CYP2J2: variants seen among roughly 807,000 people sequenced by gnomAD.
CYP2J2 encodes the protein cytochrome P450 2J2.
CYP2J2 carries 41 observed loss-of-function variants against 48.8 expected under a neutral mutation model. The ratio of observed to expected loss-of-function variants is 0.84; its 90% CI spans 0.66 to 1.09. CYP2J2 has a LOEUF of 1.09. Among genes scored for constraint, CYP2J2 ranks in the 50% least tolerant of loss-of-function variants. CYP2J2 has a pLI of 0.00. For synonymous variants in CYP2J2, 221 were observed against 227.1 expected, an observed-to-expected ratio of 0.97 and a Z score of 0.24; for missense variants, 644 against 617.3, an observed-to-expected ratio of 1.04 and a Z score of -0.46.
At chr1:59,903,079 G>A (rs1173498604) in intron 7 of CYP2J2, among the ~76,000 whole-genome samples, 2 of 152,192 alleles carry the variant, frequency 1.3e-5, no homozygotes. Flanking sequence ...AACAGCACCT[G>A]GGGAATTTAG....
intron 7 of CYP2J2, 116 bp from the exon 8 acceptor site, chr1:59,901,219 T>G (rs1644317221): frequency 2.9e-6 from 3 of 1,029,680 alleles, no homozygotes; most frequent in Non-Finnish European, 4.3e-6. Flanking sequence ...TGCCCCACCC[T>G]CCCCAATTGT....
At chr1:59,914,389 A>G (rs1644445215) in intron 2 of CYP2J2, among the ~76,000 whole-genome samples, 1 of 152,238 alleles carries the variant, frequency 6.6e-6, no homozygotes, top group Non-Finnish European at 1.5e-5. Flanking sequence ...GTGTCTATGT[A>G]GAAAGGGAAG....
chr1:59,950,944 C>T, the CYP2J2 span, among the ~76,000 whole-genome samples: 1 of 151,770 alleles, frequency 6.6e-6, no homozygotes, highest in East Asian at 1.9e-4. Flanking sequence ...TTCTTAAGGC[C>T]TGAGCCTGGA....
At chr1:59,966,997 C>A in the CYP2J2 span, among the ~76,000 whole-genome samples, 1 of 152,268 alleles carries the variant, frequency 6.6e-6, no homozygotes, top group Non-Finnish European at 1.5e-5. Context: ...ACTCCTCAAA[C>A]AAATCATTTT....
upstream of CYP2J2, among the ~76,000 whole-genome samples, chr1:59,930,793 T>C (rs1202531815): frequency 6.6e-6 from 1 of 152,038 alleles, no homozygotes; most frequent in East Asian, 1.9e-4. Flanking sequence ...AATGAGAGAA[T>C]TTATTGCTAG....
rs146997843 is a variant in CYP2J2, at chr1:59,899,345, G to A, written c.1330+1620C>T. 9.9e-5 allele frequency among the ~76,000 whole-genome samples: 15 copies of A among 152,284 alleles called. No homozygotes were observed. The Middle Eastern group carries it at 0.01, about 104-fold the overall frequency. ...TGAATTGTCCAGTGTGAGCGGAGGT[G>A]ACAGAATTAGATGAAGAAAGACAAA... On this transcript the variant is annotated intron_variant, in intron 8 of 8. Transcript: ENST00000371204.
chr1:59,954,157 C>T, the CYP2J2 span, among the ~76,000 whole-genome samples: 1 of 152,174 alleles, frequency 6.6e-6, no homozygotes, highest in African/African-American at 2.4e-5. Flanking sequence ...CTCCATCAGC[C>T]TGGGTCTCTG....
At chr1:59,916,725 C>T (rs1238237770) in intron 1 of CYP2J2, among the ~76,000 whole-genome samples, 1 of 152,090 alleles carries the variant, frequency 6.6e-6, no homozygotes, top group Non-Finnish European at 1.5e-5. Context: ...AGAGTGAAAG[C>T]CTGTCTCAAT....
the CYP2J2 span, among the ~76,000 whole-genome samples, chr1:59,969,089 C>CA: frequency 3.3e-5 from 5 of 152,142 alleles, no homozygotes; most frequent in African/African-American, 1.2e-4. Flanking sequence ...AGTGAAGCTG[C>CA]AGACCTTCGC....
At chr1:59,935,033 T>TATATATATATATATATATAC in the CYP2J2 span, among the ~76,000 whole-genome samples, 1 of 96,944 alleles carries the variant, frequency 1.0e-5, no homozygotes, top group Admixed American at 1.0e-4. Context: ...TATATATATA[T>TATATATATATATATATATAC]ATATATATAT....
intron 7 of CYP2J2, among the ~76,000 whole-genome samples, chr1:59,901,736 A>G (rs2102109260): frequency 6.6e-6 from 1 of 151,756 alleles, no homozygotes; most frequent in East Asian, 1.9e-4. Flanking sequence ...TTTTACTTTC[A>G]CCTCCATTCC....
chr1:59,932,820 C>T, the CYP2J2 span, among the ~76,000 whole-genome samples: 1 of 151,784 alleles, frequency 6.6e-6, no homozygotes, highest in Admixed American at 6.6e-5. Flanking sequence ...TGTGCCTCAG[C>T]CCCCTGAGTA....
In CYP2J2 at chr1:59,893,643, TAAC is replaced by T; in HGVS notation, c.*5_*7del. On this transcript the variant is annotated 3_prime_UTR_variant, in exon 9 of 9. Coordinates refer to ENST00000371204, the MANE Select transcript of CYP2J2 (RefSeq NM_000775.4). ...TTACTTTCCTTGCCCCTTTCTTTCT[TAAC>T]AATATTACACCTGAGGAACAGCGCA... 2 of 1,571,728 alleles carry T rather than the reference TAAC, an allele frequency of 1.3e-6. No individual in the cohort carries two copies. The highest frequency in any genetic ancestry group is 1.7e-6 in the Non-Finnish European group (2 of 1,158,700).
chr1:59,965,689 T>C, the CYP2J2 span, among the ~76,000 whole-genome samples: 1 of 152,176 alleles, frequency 6.6e-6, no homozygotes, highest in Non-Finnish European at 1.5e-5. Flanking sequence ...TCTCACTCTG[T>C]TGCCCAGGCT....
chr1:59,944,291 C>T, the CYP2J2 span, among the ~76,000 whole-genome samples: 3 of 150,684 alleles, frequency 2.0e-5, no homozygotes, highest in Admixed American at 1.3e-4. Context: ...GGTGTGATCT[C>T]GGCTTACTGC....
At chr1:59,948,353 C>T in the CYP2J2 span, among the ~76,000 whole-genome samples, 1 of 152,170 alleles carries the variant, frequency 6.6e-6, no homozygotes, top group South Asian at 2.1e-4. Flanking sequence ...CATCACTTGC[C>T]AGAGTGGCCT....
intron 7 of CYP2J2, among the ~76,000 whole-genome samples, chr1:59,903,272 ATC>A (rs1644336410): frequency 6.6e-6 from 1 of 152,160 alleles, no homozygotes; most frequent in African/African-American, 2.4e-5. Flanking sequence ...ACTGGAATCG[ATC>A]CACGGAGGCT....
intron 1 of CYP2J2, among the ~76,000 whole-genome samples, chr1:59,919,420 T>C (rs1055743861): frequency 4.6e-5 from 7 of 152,192 alleles, no homozygotes; most frequent in African/African-American, 1.4e-4. Flanking sequence ...TGAGTGTATG[T>C]GTGTGTGTGC....
the CYP2J2 span, among the ~76,000 whole-genome samples, chr1:59,948,774 TATTATC>T: frequency 2.6e-5 from 4 of 152,270 alleles, no homozygotes; most frequent in Admixed American, 2.6e-4. Context: ...GCTGTAGCAA[TATTATC>T]ATTATCAAAA....
Sources: allele counts gnomAD v4.1 joint callset (sites outside exome capture counted in the v4.1 genomes callset), GRCh38; gene constraint gnomAD v4.1.1; transcripts MANE v1.5; gene names NCBI Gene and HGNC (gene_info 2026-07-23, HGNC 2026-07-21).